GNE: variants seen among roughly 807,000 people sequenced by gnomAD.
GNE encodes bifunctional UDP-N-acetylglucosamine 2-epimerase/N-acetylmannosamine kinase.
A neutral mutation model predicts 61.8 loss-of-function variants in GNE; 41 were observed. The observed-to-expected ratio is 0.66, with a 90% CI of 0.52 to 0.86. GNE has a LOEUF of 0.86. Among genes scored for constraint, GNE ranks in the 40% least tolerant of loss-of-function variants. The probability of loss-of-function intolerance (pLI) is 0.00; values close to 1 mark genes in which losing one functional copy is unlikely to be tolerated. For synonymous variants in GNE, 264 were observed against 326.4 expected, an observed-to-expected ratio of 0.81 and a Z score of 2.06; for missense variants, 608 against 909.1, an observed-to-expected ratio of 0.67 and a Z score of 4.26.
At chr9:36,252,813 T>C (rs2133140007) in intron 1 of GNE, among the ~76,000 whole-genome samples, 2 of 80,260 alleles carry the variant, frequency 2.5e-5, no homozygotes, top group East Asian at 4.8e-4. Flanking sequence ...AGCTAGCTAG[T>C]TCTTTTCCCT....
At chr9:36,244,438 A>G (rs1344715023) in intron 3 of GNE, among the ~76,000 whole-genome samples, 1 of 152,196 alleles carries the variant, frequency 6.6e-6, no homozygotes, top group Admixed American at 6.6e-5. Context: ...TCTGATTAGC[A>G]AAAGATAATT....
chr9:36,233,772 G>C (rs554998471), intron 5 of GNE, 148 bp downstream of exon 5: 26 of 757,712 alleles, frequency 3.4e-5, no homozygotes, highest in Admixed American at 8.7e-5. Context: ...GCTATTTATC[G>C]ACTATAGATT....
At chr9:36,269,763 G>A (rs1428480104) in intron 1 of GNE, among the ~76,000 whole-genome samples, 2 of 148,880 alleles carry the variant, frequency 1.3e-5, no homozygotes, top group Admixed American at 6.9e-5. Flanking sequence ...CCAGGTTCAA[G>A]CGATTCTCCT....
At chr9:36,252,029 A>G (rs1308197580) in intron 1 of GNE, among the ~76,000 whole-genome samples, 2 of 131,106 alleles carry the variant, frequency 1.5e-5, no homozygotes, top group African/African-American at 5.9e-5. Context: ...TCTGCCACCC[A>G]GGCTGGAGTG....
upstream of GNE, chr9:36,263,428 G>A: frequency 6.2e-6 from 1 of 160,852 alleles, no homozygotes. Flanking sequence ...GCCTCGGCCA[G>A]GGCCCGGATT....
chr9:36,234,875 G>A (rs1829328140), intron 4 of GNE, among the ~76,000 whole-genome samples: 1 of 152,076 alleles, frequency 6.6e-6, no homozygotes, highest in African/African-American at 2.4e-5. Context: ...AACTTTTATT[G>A]TGTTGCAAGG....
intron 1 of GNE, among the ~76,000 whole-genome samples, chr9:36,254,471 G>A (rs1272733707): frequency 1.3e-5 from 2 of 152,088 alleles, no homozygotes; most frequent in Non-Finnish European, 2.9e-5. Context: ...GTTTGAGGCT[G>A]TAGTGAGTTA....
intron 1 of GNE, among the ~76,000 whole-genome samples, chr9:36,255,235 T>C (rs1830282674): frequency 6.6e-6 from 1 of 152,042 alleles, no homozygotes; most frequent in Admixed American, 6.6e-5. Flanking sequence ...TGAGACGGAG[T>C]GTCACTCTGT....
chr9:36,261,516 G>A (rs1391207182), upstream of GNE, among the ~76,000 whole-genome samples: 3 of 147,556 alleles, frequency 2.0e-5, no homozygotes, highest in African/African-American at 7.6e-5. Context: ...TCGTGCCACT[G>A]CACTCCAGCC....
At chr9:36,258,508 C>T, upstream of GNE, 9 of 985,564 alleles carry the variant, frequency 9.1e-6, no homozygotes, top group Non-Finnish European at 9.6e-6. Flanking sequence ...ACCCGGAGTG[C>T]CGAATCCGCG....
chr9:36,251,580 A>T (rs1830108172), intron 1 of GNE, among the ~76,000 whole-genome samples: 1 of 152,106 alleles, frequency 6.6e-6, no homozygotes, highest in South Asian at 2.1e-4. Flanking sequence ...TACACCACTG[A>T]GCCAGACTTG....
chr9:36,273,726 C>T (rs1338025543), intron 1 of GNE, among the ~76,000 whole-genome samples: 3 of 145,634 alleles, frequency 2.1e-5, no homozygotes, highest in Admixed American at 7.0e-5. Flanking sequence ...GGTGTGATTT[C>T]GGCTTAGGTT....
chr9:36,237,322 T>G (rs1829434215), intron 3 of GNE, among the ~76,000 whole-genome samples: 1 of 152,228 alleles, frequency 6.6e-6, no homozygotes, highest in African/African-American at 2.4e-5. Context: ...ATGTTTTTAG[T>G]GAATATTCAG....
Position 36,229,416 on chromosome 9 carries a change from T to C in GNE, c.983-308A>G, listed in dbSNP as rs538908305. On this transcript the variant is annotated intron_variant, in intron 5 of 11. Coordinates refer to ENST00000642385, the MANE Select transcript of GNE (RefSeq NM_005476.7). ...TCCACTTACCATTTGCCTAGTCATC[T>C]ATGAGATTCACTCTCTTTCAACCTG... is the stretch of plus-strand genomic sequence containing the variant. Among the ~76,000 whole-genome samples, 20 of 152,326 alleles carry C rather than the reference T, an allele frequency of 1.3e-4. 1 individual carries two copies. The South Asian group carries it at 4.1e-3, about 32-fold the overall frequency.
intron 3 of GNE, 49 bp downstream of exon 3, chr9:36,245,982 T>C (rs778180197): frequency 4.6e-5 from 65 of 1,409,102 alleles, no homozygotes; most frequent in Non-Finnish European, 6.3e-5. Context: ...AGACGGAACA[T>C]TTTCTGACAA....
At position 36,229,037 on chromosome 9, in the gene GNE, C is replaced by G. The variant is rs1383733907; in HGVS notation, c.1054G>C (p.Gly352Arg). The change falls in exon 6 of 12, where the codon GGT (glycine) becomes CGT (arginine). Residue 352 changes from glycine to arginine, a missense_variant. Transcript: ENST00000642385. ...KILQALHLQF[G>R]KQYPCSKIYG... ...TATACTCACCAAGGGTACTGTTTAC[C>G]AAACTGAAGGTGCAGTGCTTGCAAT... 1.2e-6 allele frequency: 2 copies of G among 1,602,734 alleles called. No homozygotes were observed. Among genetic ancestry groups the G allele is most frequent in the African/African-American group, 2.7e-5 (2 of 74,772 alleles).
Position 36,217,102 on chromosome 9 carries a change from GCA to G in GNE, c.*261_*262del. On this transcript the variant is annotated 3_prime_UTR_variant, in exon 12 of 12. Transcript: ENST00000642385. ...CCTCTCTATTATTGTAGCTGCTTTG[GCA>G]CAGAAAATTGTGACTGTAACTTACA... 2.0e-6 allele frequency: 1 copy of G among 507,752 alleles called. No homozygotes were observed. Among genetic ancestry groups the G allele is most frequent in the Non-Finnish European group, 3.6e-6 (1 of 279,536 alleles). The allele number at this position is 507,752 out of a possible 1,614,324, so 31.5% of individuals were successfully genotyped here.
intron 1 of GNE, among the ~76,000 whole-genome samples, chr9:36,249,739 C>G (rs1407294681): frequency 6.6e-6 from 1 of 151,974 alleles, no homozygotes; most frequent in Non-Finnish European, 1.5e-5. Flanking sequence ...AAAAAATTAG[C>G]TGGGCGTGGT....
chr9:36,272,345 G>A (rs991815827), intron 1 of GNE, among the ~76,000 whole-genome samples: 1 of 152,158 alleles, frequency 6.6e-6, no homozygotes, highest in Non-Finnish European at 1.5e-5. Flanking sequence ...AAGATGGCTG[G>A]GTGTGGTGGC....
Sources: allele counts gnomAD v4.1 joint callset (sites outside exome capture counted in the v4.1 genomes callset), GRCh38; gene constraint gnomAD v4.1.1; transcripts MANE v1.5; gene names NCBI Gene and HGNC (gene_info 2026-07-23, HGNC 2026-07-21).